Variants in OPN4 observed in about 807,000 individuals in gnomAD.
OPN4 encodes opsin 4, also known as melanopsin.
A neutral mutation model predicts 49.5 loss-of-function variants in OPN4; 43 were observed. That is an observed-to-expected ratio of 0.87 (90% CI 0.68 to 1.12). The LOEUF is 1.12. Ranked by LOEUF, OPN4 falls within the 50% of genes most tolerant of loss-of-function variation. OPN4 has a pLI of 0.00. For synonymous variants in OPN4, 263 were observed against 258.0 expected (o/e 1.02, Z -0.19); for missense variants, 657 against 643.9 (o/e 1.02, Z -0.22).
chr10:86,665,158 T>A lies in OPN4; in HGVS notation c.1399-555T>A, dbSNP rs1479658185. Among the ~76,000 whole-genome samples, 6 of 151,870 alleles carry A rather than the reference T, an allele frequency of 4.0e-5. No homozygotes were observed. The East Asian group carries it at 1.2e-3, about 29-fold the overall frequency. On this transcript the variant is annotated intron_variant, in intron 9 of 9. Transcript: ENST00000241891. ...GGAACAGGATGTCTCTCTGTGACCC[T>A]GGGAGCAGCCAGAGGGACCCTGGGG... is the stretch of plus-strand genomic sequence containing the variant.
intron 1 of OPN4, among the ~76,000 whole-genome samples, chr10:86,655,612 C>T (rs963484171): frequency 2.0e-5 from 3 of 152,146 alleles, no homozygotes; most frequent in Non-Finnish European, 4.4e-5. Flanking sequence ...AAAGGGAATT[C>T]CCTTCATTTT....
Position 86,665,994 on chromosome 10 carries a change from G to A in OPN4, c.*243G>A. On this transcript the variant is annotated 3_prime_UTR_variant, in exon 10 of 10. Transcript: ENST00000241891. ...GCCGCACCCGAGGCTCAGCCTGAGGGGTATGTGCCCAGGCCCTCCCACTTC... is the reference window on the plus strand; with the variant it reads ...GCCGCACCCGAGGCTCAGCCTGAGGAGTATGTGCCCAGGCCCTCCCACTTC... 1.8e-6 allele frequency: 1 copy of A among 563,978 alleles called. No homozygotes were observed. Among genetic ancestry groups the A allele is most frequent in the East Asian group, 3.0e-5 (1 of 33,510 alleles). 34.9% of individuals were successfully genotyped at this position (563,978 alleles called of 1,614,324 possible). A position where few individuals can be genotyped will look rare whatever the true frequency, so the allele number is the denominator to read the frequency against.
rs201931077 is a variant in OPN4, at chr10:86,654,778, C to A, written c.-6C>A. The A allele has an allele frequency of 2.0e-4, 317 of 1,609,378 alleles. No homozygotes were observed. The highest frequency in any genetic ancestry group is 2.5e-4 in the Non-Finnish European group (295 of 1,176,612). On this transcript the variant is annotated 5_prime_UTR_variant, in exon 1 of 10. Coordinates refer to ENST00000241891, the MANE Select transcript of OPN4 (RefSeq NM_033282.4). ...TGGGCTCGAGCAAGGACCATCCCAA[C>A]TCAGGATGAACCCTCCTTCGGGGCC...
intron 6 of OPN4, 70 bp from the exon 7 acceptor site, chr10:86,661,211 G>A: frequency 5.4e-6 from 7 of 1,291,316 alleles, no homozygotes; most frequent in Non-Finnish European, 7.8e-6. Context: ...GCTTTGGCAG[G>A]GCCTGGCCCA....
At position 86,666,319 on chromosome 10, in the gene OPN4, C is replaced by T. The variant is rs1372554272; in HGVS notation, c.*568C>T. On this transcript the variant is annotated 3_prime_UTR_variant, in exon 10 of 10. Coordinates refer to ENST00000241891, the MANE Select transcript of OPN4 (RefSeq NM_033282.4). ...TGCAGGCACGCTCTCGCGTAGTTAC[C>T]TATCTGAATGCACACCAAGCACATG... The T allele has an allele frequency of 5.3e-6, 1 of 188,788 alleles. No homozygotes were observed. Among genetic ancestry groups the T allele is most frequent in the African/African-American group, 2.3e-5 (1 of 42,784 alleles). 11.7% of individuals were successfully genotyped at this position (188,788 alleles called of 1,614,324 possible).
chr10:86,659,508 C>T (rs769828300), intron 5 of OPN4, 40 bp downstream of exon 5: 19 of 1,595,960 alleles, frequency 1.2e-5, no homozygotes, highest in South Asian at 7.9e-5. Flanking sequence ...GGAGGGGGAC[C>T]GGCCCCTCGG....
At chr10:86,659,542 T>A (rs531627947) in intron 5 of OPN4, 74 bp downstream of exon 5, 1 of 1,543,246 alleles carries the variant, frequency 6.5e-7, no homozygotes, top group East Asian at 2.3e-5. Flanking sequence ...GCCCCACCAC[T>A]CACACCTGCA....
chr10:86,661,442 G>A lies in OPN4; in HGVS notation c.1073+54G>A, dbSNP rs568074366. On this transcript the variant is annotated intron_variant, in intron 7 of 9. Coordinates refer to ENST00000241891, the MANE Select transcript of OPN4 (RefSeq NM_033282.4). ...TTGGCCTCCAAGGGCCTGGCCTGCC[G>A]ATGGGGGCAGAGGCCACCACCTTTC... 4.1e-4 allele frequency: 557 copies of A among 1,351,424 alleles called. 3 individuals are homozygous for A. The South Asian group carries it at 4.9e-3, about 12-fold the overall frequency. 83.7% of individuals were successfully genotyped at this position (1,351,424 alleles called of 1,614,324 possible).
intron 5 of OPN4, 55 bp from the exon 6 acceptor site, chr10:86,659,840 C>A: frequency 6.3e-7 from 1 of 1,589,504 alleles, no homozygotes; most frequent in Non-Finnish European, 8.6e-7. Flanking sequence ...AGCCGTGACC[C>A]TGGTGCTGAC....
chr10:86,663,152 G>T lies in OPN4; in HGVS notation c.1255-507G>T, dbSNP rs571486404. On this transcript the variant is annotated intron_variant, in intron 8 of 9. Transcript: ENST00000241891. The stretch of plus-strand genomic sequence containing the variant: ...AAAGCTCCGTGCGCCACCGGCTCCT[G>T]TTCCCACCACACTTGGGCTCCTCCT... Among the ~76,000 whole-genome samples, 13 of 152,288 alleles carry T rather than the reference G, an allele frequency of 8.5e-5. No individual in the cohort carries two copies. The East Asian group carries it at 2.5e-3, about 29-fold the overall frequency.
intron 2 of OPN4, chr10:86,657,342 C>G (rs532753555): frequency 4.1e-6 from 3 of 725,196 alleles, no homozygotes; most frequent in Non-Finnish European, 7.7e-6. Context: ...GACAATGACG[C>G]CTCCCTCAGG....
intron 2 of OPN4, among the ~76,000 whole-genome samples, chr10:86,656,876 C>G (rs960721385): frequency 7.1e-6 from 1 of 141,828 alleles, no homozygotes; most frequent in Non-Finnish European, 1.5e-5. Context: ...ACCTGGGAGG[C>G]GGAGTTTGCA....
At position 86,654,632 on chromosome 10, in the gene OPN4, G is replaced by A; in HGVS notation, c.-152G>A. On this transcript the variant is annotated 5_prime_UTR_variant, in exon 1 of 10. Transcript: ENST00000241891. ...CAGCCCCAAGAGCAGCTCCAGGCTG[G>A]ATCTGCGCCGGACACAGGAGAAAGC... is the stretch of plus-strand genomic sequence containing the variant. 9.1e-7 allele frequency: 1 copy of A among 1,095,624 alleles called. No homozygotes were observed. The highest frequency in any genetic ancestry group is 1.3e-6 in the Non-Finnish European group (1 of 769,990). The allele number at this position is 1,095,624 out of a possible 1,614,324, so 67.9% of individuals were successfully genotyped here.
rs777593979 is a variant in OPN4 at position 86,660,024 on chromosome 10, TC to T, written c.933del (p.Tyr312IlefsTer16). ...VILLFVLSWA[P>X]YSAVALVAFA... is the part of the protein sequence containing the mutation. The stretch of plus-strand genomic sequence containing the variant: ...TCCTCCTCTTCGTGCTCTCCTGGGC[TC>T]CCTATTCCGCTGTGGCCCTGGTGGC... On this transcript the variant is annotated frameshift_variant, in exon 6 of 10. Coordinates refer to ENST00000241891, the MANE Select transcript of OPN4 (RefSeq NM_033282.4). LOFTEE classifies it high-confidence loss of function. The T allele has an allele frequency of 6.2e-7, 1 of 1,614,134 alleles. No individual in the cohort carries two copies. Among genetic ancestry groups the T allele is most frequent in the Non-Finnish European group, 8.5e-7 (1 of 1,180,014 alleles).
chr10:86,664,133 G>A (rs2132310225), intron 9 of OPN4: 1 of 256,720 alleles, frequency 3.9e-6, no homozygotes, highest in East Asian at 8.2e-5. Flanking sequence ...GCAGCCGTCA[G>A]AGCATAGCTC....
rs368549247 is a variant in OPN4 at position 86,659,992 on chromosome 10, C to T, written c.898C>T (p.Leu300=). The T allele has an allele frequency of 5.5e-5, 88 of 1,614,084 alleles. No individual in the cohort carries two copies. The highest frequency in any genetic ancestry group is 6.9e-5 in the Non-Finnish European group (82 of 1,180,024). Reference sequence around the variant, plus strand: ...GTGCAAGATGGCCAAGATCATGCTGCTGGTCATCCTCCTCTTCGTGCTCTC... The same window carrying T: ...GTGCAAGATGGCCAAGATCATGCTGTTGGTCATCCTCCTCTTCGTGCTCTC... ...SECKMAKIML[L]VILLFVLSWA... is the part of the protein sequence containing the mutation. Residue 300 remains leucine (L), a synonymous_variant, in exon 6 of 10, where the codon CTG becomes TTG. Transcript: ENST00000241891.
chr10:86,657,110 A>T, intron 2 of OPN4: 1 of 759,238 alleles, frequency 1.3e-6, no homozygotes, highest in Non-Finnish European at 2.5e-6. Flanking sequence ...AGGGCCACAC[A>T]GCCCCCTGGC....
chr10:86,660,078 G>T lies in OPN4; in HGVS notation c.965+19G>T, dbSNP rs1843968266. The stretch of plus-strand genomic sequence containing the variant: ...TTGCTGGGTAAGCAGTGGCTAAAGG[G>T]TTGGGGAAGAGGCTGAAGGTGTGGG... On this transcript the variant is annotated intron_variant, in intron 6 of 9. Transcript: ENST00000241891. 6.2e-7 allele frequency: 1 copy of T among 1,613,606 alleles called. No individual in the cohort carries two copies. Among genetic ancestry groups the T allele is most frequent in the Non-Finnish European group, 8.5e-7 (1 of 1,179,560 alleles).
rs1843930381 is a variant in OPN4, at chr10:86,658,677, C to T, written c.618C>T (p.Phe206=). ...LYALAWSLPP[F]FGWSAYVPEG... ...CCCTGGCCTGGAGTCTGCCACCCTT[C>T]TTCGGCTGGAGTAAGTGGGCTGCTG... The change falls in exon 4 of 10, where the codon TTC becomes TTT. Residue 206 remains phenylalanine, a synonymous_variant. Coordinates refer to ENST00000241891, the MANE Select transcript of OPN4 (RefSeq NM_033282.4). 1 of 1,612,252 alleles carries T rather than the reference C, an allele frequency of 6.2e-7. No individual in the cohort carries two copies. Among genetic ancestry groups the T allele is most frequent in the East Asian group, 2.2e-5 (1 of 44,898 alleles).
Sources: allele counts gnomAD v4.1 joint callset (sites outside exome capture counted in the v4.1 genomes callset), GRCh38; gene constraint gnomAD v4.1.1; transcripts MANE v1.5; gene names NCBI Gene and HGNC (gene_info 2026-07-23, HGNC 2026-07-21).